The following KLF5 variants were observed in gnomAD, a reference collection of about 807,000 sequenced individuals.
KLF5 encodes Krueppel-like factor 5.
In KLF5, 9 loss-of-function variants were observed where a neutral mutation model predicts 36.9. That is an observed-to-expected ratio of 0.24 (90% CI 0.15 to 0.43). KLF5 has a LOEUF of 0.43. Ranked by LOEUF, KLF5 falls within the 20% of genes least tolerant of loss-of-function variation. The pLI, the probability that KLF5 is intolerant of heterozygous loss-of-function variation, is 1.00. For synonymous variants in KLF5, 246 were observed against 241.7 expected (o/e 1.02, Z -0.17); for missense variants, 524 against 599.5 (o/e 0.87, Z 1.31).
At position 73,059,484 on chromosome 13, in the gene KLF5, C is replaced by A; in HGVS notation, c.157C>A (p.His53Asn). ...AALFPGEELK[H>N]AHHRPQAQPA... ...GCTCTTCCCCGGCGAGGAGCTGAAG[C>A]ACGCGCACCACCGCCCGCAGGCGCA... Residue 53 changes from histidine to asparagine, a missense_variant, in exon 1 of 4, where the codon CAC (histidine) becomes AAC (asparagine). His to Asn is a moderately conservative substitution (Grantham distance 68, BLOSUM62 1). Coordinates refer to ENST00000377687, the MANE Select transcript of KLF5 (RefSeq NM_001730.5). 1 of 1,245,902 alleles carries A rather than the reference C, an allele frequency of 8.0e-7. No homozygotes were observed. Among genetic ancestry groups the A allele is most frequent in the Non-Finnish European group, 1.0e-6 (1 of 996,840 alleles). The allele number at this position is 1,245,902 out of a possible 1,614,324, so 77.2% of individuals were successfully genotyped here.
intron 3 of KLF5, among the ~76,000 whole-genome samples, chr13:73,069,149 T>C (rs2044704562): frequency 6.6e-6 from 1 of 152,178 alleles, no homozygotes; most frequent in Non-Finnish European, 1.5e-5. Flanking sequence ...AATAAAGATA[T>C]TTTCATTGCA....
chr13:73,058,561 C>T (rs772906002), upstream of KLF5, among the ~76,000 whole-genome samples: 1 of 152,234 alleles, frequency 6.6e-6, no homozygotes, highest in Non-Finnish European at 1.5e-5. Context: ...GCCTCAGCGC[C>T]CCTACCTAGC....
rs2139104873 is a variant in KLF5, at chr13:73,062,543, A to G, written c.944A>G (p.Gln315Arg). The G allele has an allele frequency of 6.2e-7, 1 of 1,614,212 alleles. No homozygotes were observed. ...PSSEPGSPDR[Q>R]AEMLQNLTPP... ...TCAGAGCCTGGAAGTCCAGATAGAC[A>G]AGCAGAGATGCTCCAGAATTTAACC... is the stretch of plus-strand genomic sequence containing the variant. Residue 315 changes from glutamine (Q) to arginine (R), a missense_variant, in exon 2 of 4, where the codon CAA becomes CGA. By Grantham distance (43) the Gln-to-Arg change is conservative. Transcript: ENST00000377687.
intron 1 of KLF5, 149 bp downstream of exon 1, chr13:73,059,737 A>G (rs1346330147): frequency 2.8e-6 from 2 of 720,516 alleles, no homozygotes; most frequent in Non-Finnish European, 3.4e-6. Flanking sequence ...CCCGCCCTGC[A>G]CGCCTGGCCG....
intron 3 of KLF5, among the ~76,000 whole-genome samples, chr13:73,068,491 T>C (rs2044697702): frequency 1.3e-5 from 2 of 151,910 alleles, no homozygotes; most frequent in African/African-American, 4.8e-5. Flanking sequence ...ATCACCTGAG[T>C]TTAGGGGTTC....
At chr13:73,073,517 CAA>C (rs1232619517) in intron 3 of KLF5, among the ~76,000 whole-genome samples, 1 of 151,820 alleles carries the variant, frequency 6.6e-6, no homozygotes, top group African/African-American at 2.4e-5. Flanking sequence ...AAATAGTGAA[CAA>C]AAAGAGTCTA....
intron 1 of KLF5, chr13:73,060,590 T>A (rs2044627433): frequency 6.6e-6 from 1 of 152,260 alleles, no homozygotes; most frequent in Non-Finnish European, 1.5e-5. Context: ...GAGATGTGAC[T>A]CACATGATGA....
intron 1 of KLF5, chr13:73,059,824 G>A (rs2044618927): frequency 2.1e-6 from 2 of 952,772 alleles, no homozygotes; most frequent in Non-Finnish European, 2.5e-6. Context: ...TGCCCCGGCG[G>A]GTCGGCCTGG....
Position 73,061,792 on chromosome 13 carries a change from G to A in KLF5, c.262-69G>A, listed in dbSNP as rs75740187. ...GGGATTGGGGGAATTTTTAGTAGGC[G>A]CCGATTGTTCGTTCTTCCCGAGATG... On this transcript the variant is annotated intron_variant, in intron 1 of 3. Transcript: ENST00000377687. 1,113 of 1,464,780 alleles carry A rather than the reference G, an allele frequency of 7.6e-4. 7 individuals carry two copies. The African/African-American group carries it at 0.013, about 17-fold the overall frequency. 90.7% of individuals were successfully genotyped at this position (1,464,780 alleles called of 1,614,324 possible). A position where few individuals can be genotyped will look rare whatever the true frequency, so the allele number is the denominator to read the frequency against.
intron 1 of KLF5, 184 bp downstream of exon 1, chr13:73,059,772 A>C (rs1227851185): frequency 1.5e-5 from 8 of 541,008 alleles, no homozygotes; most frequent in African/African-American, 2.4e-5. Flanking sequence ...GCTGAGAGTA[A>C]ATGGGGGGGG....
At position 73,062,487 on chromosome 13, in the gene KLF5, G is replaced by C; in HGVS notation, c.888G>C (p.Gln296His). Reference protein sequence around the residue: ...YTMPSQFLPQQATYFPPSPPS... With the variant: ...YTMPSQFLPQHATYFPPSPPS... Reference sequence around the variant, plus strand: ...TGCCAAGTCAGTTTCTTCCACAACAGGCCACTTACTTTCCCCCGTCACCAC... The same window carrying C: ...TGCCAAGTCAGTTTCTTCCACAACACGCCACTTACTTTCCCCCGTCACCAC... Residue 296 changes from glutamine to histidine, a missense_variant, in exon 2 of 4, where the codon CAG (glutamine) becomes CAC (histidine). Gln to His is a conservative substitution (Grantham distance 24). This residue lies in a region of KLF5 where 454 missense variants were observed against 458.1 expected (regional missense o/e 0.99). Coordinates refer to ENST00000377687, the MANE Select transcript of KLF5 (RefSeq NM_001730.5). The C allele has an allele frequency of 6.2e-7, 1 of 1,614,150 alleles. No individual in the cohort carries two copies. The highest frequency in any genetic ancestry group is 8.5e-7 in the Non-Finnish European group (1 of 1,180,030).
chr13:73,062,993 A>G (rs912352648), intron 2 of KLF5, among the ~76,000 whole-genome samples: 4 of 151,556 alleles, frequency 2.6e-5, no homozygotes, highest in African/African-American at 9.7e-5. Flanking sequence ...TGGCTAGAAT[A>G]TTCTGGAAAA....
intron 3 of KLF5, among the ~76,000 whole-genome samples, chr13:73,072,319 G>T (rs1184532660): frequency 6.6e-6 from 1 of 152,126 alleles, no homozygotes; most frequent in Admixed American, 6.5e-5. Context: ...CACTTACCCT[G>T]GGGGAAAGGA....
At position 73,062,255 on chromosome 13, in the gene KLF5, T is replaced by G. The variant is rs1450036037; in HGVS notation, c.656T>G (p.Leu219Arg). 9 of 1,614,042 alleles carry G rather than the reference T, an allele frequency of 5.6e-6. No homozygotes were observed. The highest frequency in any genetic ancestry group is 7.6e-6 in the Non-Finnish European group (9 of 1,180,042). ...GAACTTCCTACACCAGATCTTCATC[T>G]TTCTGTCCCTACCCAGCAGGGCCAC... ...KQELPTPDLH[L>R]SVPTQQGHLY... Residue 219 changes from leucine to arginine, a missense_variant, in exon 2 of 4, where the codon CTT becomes CGT. Physicochemically the swap from Leu to Arg is moderately radical, Grantham distance 102. Around this residue, in one of 4 missense-constraint regions of KLF5, gnomAD observed 454 missense variants for 458.1 expected, o/e 0.99. Transcript: ENST00000377687.
Position 73,059,575 on chromosome 13 carries a change from A to T in KLF5, c.248A>T (p.Glu83Val), listed in dbSNP as rs1031592373. ...GCCACCGGCCCGCGGCTGCCTCCAG[A>T]GGACCTGGTCCAGGTAGGAAGAGCC... ...PPATGPRLPP[E>V]DLVQTRCEME... Residue 83 changes from glutamate (E) to valine (V), a missense_variant, in exon 1 of 4, where the codon GAG becomes GTG. Around this residue, in one of 4 missense-constraint regions of KLF5, gnomAD observed 454 missense variants for 458.1 expected, o/e 0.99. Coordinates refer to ENST00000377687, the MANE Select transcript of KLF5 (RefSeq NM_001730.5). 3 of 1,166,426 alleles carry T rather than the reference A, an allele frequency of 2.6e-6. No individual in the cohort carries two copies. The highest frequency in any genetic ancestry group is 3.2e-5 in the African/African-American group (2 of 61,656). 72.3% of individuals were successfully genotyped at this position (1,166,426 alleles called of 1,614,324 possible). A position where few individuals can be genotyped will look rare whatever the true frequency, so the allele number is the denominator to read the frequency against.
chr13:73,060,321 G>A (rs1437838163), intron 1 of KLF5, among the ~76,000 whole-genome samples: 1 of 151,978 alleles, frequency 6.6e-6, no homozygotes, highest in East Asian at 1.9e-4. Flanking sequence ...GAGTCATATA[G>A]CCCAGAAAAA....
Position 73,059,369 on chromosome 13 carries a change from C to G in KLF5, c.42C>G (p.Pro14=), listed in dbSNP as rs2044611341. 2.1e-6 allele frequency: 3 copies of G among 1,415,362 alleles called. No individual in the cohort carries two copies. The highest frequency in any genetic ancestry group is 3.1e-5 in the East Asian group (1 of 32,776). 87.7% of individuals were successfully genotyped at this position (1,415,362 alleles called of 1,614,324 possible). A position where few individuals can be genotyped will look rare whatever the true frequency, so the allele number is the denominator to read the frequency against. The change falls in exon 1 of 4, where the codon CCC becomes CCG. Residue 14 remains proline (P), a synonymous_variant. Transcript: ENST00000377687. ...RVLSMSARLG[P]VPQPPAPQDE... is the part of the protein sequence containing the mutation. ...TGAGCATGAGCGCCCGCCTGGGACC[C>G]GTGCCCCAGCCGCCGGCGCCGCAGG... is the stretch of plus-strand genomic sequence containing the variant.
At chr13:73,062,893 C>T (rs1308379389) in intron 2 of KLF5, among the ~76,000 whole-genome samples, 159 bp downstream of exon 2, 1 of 146,530 alleles carries the variant, frequency 6.8e-6, no homozygotes, top group African/African-American at 2.5e-5. Context: ...AAAAAATTAC[C>T]TTTTTTTTTT....
At position 73,059,040 on chromosome 13, in the gene KLF5, C is replaced by T. The variant is rs1213650189; in HGVS notation, c.-288C>T. On this transcript the variant is annotated 5_prime_UTR_variant, in exon 1 of 4. Transcript: ENST00000377687. Reference sequence around the variant, plus strand: ...CAGGTACGTGCGCTCGCGGTTCTCTCGCGGAGGTCGGCGGTGGCGGGAGCG... The same window carrying T: ...CAGGTACGTGCGCTCGCGGTTCTCTTGCGGAGGTCGGCGGTGGCGGGAGCG... The T allele has an allele frequency of 6.8e-6, 2 of 294,568 alleles. No homozygotes were observed. The highest frequency in any genetic ancestry group is 6.3e-6 in the Non-Finnish European group (1 of 159,124). The allele number at this position is 294,568 out of a possible 1,614,324, so 18.2% of individuals were successfully genotyped here. A position where few individuals can be genotyped will look rare whatever the true frequency, so the allele number is the denominator to read the frequency against.
Sources: gnomAD v4.1 joint callset for allele counts (sites outside exome capture counted in the v4.1 genomes callset) on GRCh38, gnomAD v4.1.1 for gene constraint, gnomAD v4.1.1 regional missense constraint, MANE v1.5 for transcripts, NCBI Gene and HGNC (gene_info 2026-07-23, HGNC 2026-07-21) for gene names.